The following SLC35F4 variants were observed in gnomAD, a reference collection of about 807,000 sequenced individuals.
SLC35F4 encodes chromosome 14 open reading frame 36.
SLC35F4 carries 24 observed loss-of-function variants against 44.2 expected under a neutral mutation model. The ratio of observed to expected loss-of-function variants is 0.54; its 90% CI spans 0.39 to 0.76. SLC35F4 has a LOEUF of 0.76. Among genes scored for constraint, SLC35F4 ranks in the 30% least tolerant of loss-of-function variants. The probability of loss-of-function intolerance (pLI) is 0.00; values close to 1 mark genes in which losing one functional copy is unlikely to be tolerated. For missense variants in SLC35F4, 562 were observed against 586.1 expected (o/e 0.96, Z 0.42); for synonymous variants, 238 against 223.6 (o/e 1.06, Z -0.57).
intron 3 of SLC35F4, among the ~76,000 whole-genome samples, chr14:57,584,595 A>AGCTC (rs1244114251): frequency 1.3e-5 from 2 of 152,246 alleles, no homozygotes; most frequent in African/African-American, 2.4e-5. Context: ...TGACAATAAA[A>AGCTC]GCTCTGATTC....
intron 1 of SLC35F4, among the ~76,000 whole-genome samples, chr14:57,675,310 G>T (rs902301242): frequency 2.0e-5 from 3 of 152,080 alleles, no homozygotes; most frequent in African/African-American, 7.3e-5. Context: ...TATGCATGCT[G>T]AGGTAGTTAG....
At chr14:57,897,644 C>T (rs577896597) in intron 1 of SLC35F4, among the ~76,000 whole-genome samples, 17 of 152,078 alleles carry the variant, frequency 1.1e-4, no homozygotes, top group African/African-American at 4.1e-4. Context: ...ACTTAGTCCA[C>T]GAAAGAGATG....
chr14:57,566,017 TTA>T (rs1353049015), intron 7 of SLC35F4, among the ~76,000 whole-genome samples: 1 of 152,202 alleles, frequency 6.6e-6, no homozygotes, highest in Non-Finnish European at 1.5e-5. Flanking sequence ...TGCTTTTTCC[TTA>T]TATCTATTCC....
chr14:57,765,475 T>C (rs2140649214), intron 1 of SLC35F4, among the ~76,000 whole-genome samples: 1 of 152,314 alleles, frequency 6.6e-6, no homozygotes, highest in East Asian at 1.9e-4. Flanking sequence ...TAAAAACCAA[T>C]AAAAATGTTT....
chr14:57,787,379 G>T (rs775032852), intron 1 of SLC35F4, among the ~76,000 whole-genome samples: 14 of 152,132 alleles, frequency 9.2e-5, no homozygotes, highest in Non-Finnish European at 1.9e-4. Context: ...CCTTGCTAGA[G>T]ACCTAGTCAT....
intron 1 of SLC35F4, among the ~76,000 whole-genome samples, chr14:57,965,041 GA>G (rs35978483): frequency 0.28 from 41,117 of 146,674 alleles, 6,234 homozygotes; most frequent in African/African-American, 0.42. Context: ...ACGACTCCAA[GA>G]GGCCACACTT....
At chr14:57,903,811 G>A (rs567520972) in intron 1 of SLC35F4, among the ~76,000 whole-genome samples, 3 of 152,292 alleles carry the variant, frequency 2.0e-5, no homozygotes, top group South Asian at 4.1e-4. Flanking sequence ...TGAGATTGGA[G>A]ATCTATTCTA....
chr14:57,975,082 G>A (rs945990517), downstream of SLC35F4, among the ~76,000 whole-genome samples: 1 of 152,156 alleles, frequency 6.6e-6, no homozygotes, highest in African/African-American at 2.4e-5. Context: ...AAACAATGAT[G>A]CCATTTTAAA....
rs951986132 is a variant in SLC35F4, at chr14:57,852,466, G to A, written c.103+13257C>T. ...CAAAGAAATACAGGAGGCCACTAAC[G>A]ACTTTAACCAGAGGAATGGCATGAT... On this transcript the variant is annotated intron_variant, in intron 1 of 7. Transcript: ENST00000556826. Among the ~76,000 whole-genome samples the A allele has an allele frequency of 5.9e-5, 9 of 152,146 alleles. No homozygotes were observed. The East Asian group carries it at 1.2e-3, about 19-fold the overall frequency.
At chr14:57,925,495 A>AAGGAAGGAAGGAAGGAAGGG (rs1889541447) in intron 1 of SLC35F4, among the ~76,000 whole-genome samples, 1 of 54,166 alleles carries the variant, frequency 1.8e-5, no homozygotes, top group African/African-American at 7.5e-5. Flanking sequence ...GGAAGGAAGG[A>AAGGAAGGAAGGAAGGAAGGG]AGGGAGGGAG....
intron 1 of SLC35F4, among the ~76,000 whole-genome samples, chr14:57,615,026 G>T (rs1305760448): frequency 6.6e-6 from 1 of 152,198 alleles, no homozygotes; most frequent in Non-Finnish European, 1.5e-5. Context: ...AGTAGGACAA[G>T]AAATTCTATG....
chr14:57,718,776 T>C lies in SLC35F4; in HGVS notation c.104-124652A>G, dbSNP rs192202598. ...TCATGAGTCATTTGCAAATATTTTC[T>C]CCCATTTTGTGGGTTGTCTCTTCAC... On this transcript the variant is annotated intron_variant, in intron 1 of 7. Coordinates refer to ENST00000556826, the MANE Select transcript of SLC35F4 (RefSeq NM_001306087.2). 3.5e-3 allele frequency among the ~76,000 whole-genome samples: 534 copies of C among 152,340 alleles called. 3 individuals carry two copies. The highest frequency in any genetic ancestry group is 0.012 in the African/African-American group (497 of 41,578).
At chr14:57,583,606 C>G (rs1198339228) in intron 3 of SLC35F4, among the ~76,000 whole-genome samples, 4 of 152,166 alleles carry the variant, frequency 2.6e-5, no homozygotes, top group African/African-American at 9.7e-5. Context: ...GCTGGGAAGA[C>G]GCTGCTGACT....
intron 1 of SLC35F4, among the ~76,000 whole-genome samples, chr14:57,731,651 A>G (rs1249775901): frequency 1.3e-5 from 2 of 152,182 alleles, no homozygotes; most frequent in Non-Finnish European, 2.9e-5. Flanking sequence ...ACTGCCTTTA[A>G]TCTGAGAATC....
intron 4 of SLC35F4, among the ~76,000 whole-genome samples, chr14:57,573,564 G>A (rs1430286931): frequency 1.3e-5 from 2 of 152,122 alleles, no homozygotes; most frequent in Non-Finnish European, 2.9e-5. Context: ...AACACAGTGA[G>A]GGGGTTATCT....
intron 1 of SLC35F4, among the ~76,000 whole-genome samples, chr14:57,862,641 GTTC>G (rs1887781468): frequency 6.6e-6 from 1 of 152,196 alleles, no homozygotes. Flanking sequence ...CCCAGAATGT[GTTC>G]TTCTGGATGT....
intron 1 of SLC35F4, among the ~76,000 whole-genome samples, chr14:57,843,824 G>T (rs1885732099): frequency 6.6e-6 from 1 of 152,062 alleles, no homozygotes; most frequent in Non-Finnish European, 1.5e-5. Context: ...TAATATCTCT[G>T]CAGGACATTA....
chr14:57,757,243 G>C (rs539815678), intron 1 of SLC35F4, among the ~76,000 whole-genome samples: 240 of 152,050 alleles, frequency 1.6e-3, no homozygotes, highest in African/African-American at 5.5e-3. Context: ...GCATTTTCAT[G>C]GTTTATGTTT....
In SLC35F4 at chr14:57,839,173, C is replaced by T. The variant is rs574797180; in HGVS notation, c.103+26550G>A. Among the ~76,000 whole-genome samples the T allele has an allele frequency of 7.9e-5, 12 of 152,192 alleles. No individual in the cohort carries two copies. The South Asian group carries it at 1.7e-3, about 21-fold the overall frequency. ...AAAGTGAATTAGCTGAATTCAAACT[C>T]TGGATTCCAAAGCCCAGGTTCATTA... is the stretch of plus-strand genomic sequence containing the variant. On this transcript the variant is annotated intron_variant, in intron 1 of 7. Coordinates refer to ENST00000556826, the MANE Select transcript of SLC35F4 (RefSeq NM_001306087.2).
Sources: allele counts gnomAD v4.1 joint callset (sites outside exome capture counted in the v4.1 genomes callset), GRCh38; gene constraint gnomAD v4.1.1; transcripts MANE v1.5; gene names NCBI Gene and HGNC (gene_info 2026-07-23, HGNC 2026-07-21).